GPC1: variants seen among roughly 807,000 people sequenced by gnomAD.
The protein encoded by GPC1 is glypican-1.
In GPC1, 26 loss-of-function variants were observed where a neutral mutation model predicts 51.5. That is an observed-to-expected ratio of 0.50 (90% CI 0.37 to 0.70). The LOEUF (loss-of-function observed/expected upper bound fraction) is 0.70. Among genes scored for constraint, GPC1 ranks in the 30% least tolerant of loss-of-function variants. GPC1 has a pLI of 0.00. For synonymous variants in GPC1, 380 were observed against 348.3 expected (o/e 1.09, Z -1.01); for missense variants, 775 against 800.5 (o/e 0.97, Z 0.38).
chr2:240,456,991 A>C (rs2151794110), intron 1 of GPC1, among the ~76,000 whole-genome samples: 1 of 151,746 alleles, frequency 6.6e-6, no homozygotes, highest in East Asian at 2.0e-4. Flanking sequence ...CTGGCCCCAG[A>C]CTCTGTTGGA....
chr2:240,444,384 C>T (rs1479444315), intron 1 of GPC1, among the ~76,000 whole-genome samples: 1 of 152,208 alleles, frequency 6.6e-6, no homozygotes, highest in Middle Eastern at 3.2e-3. Context: ...CTCCCAAATC[C>T]AGCCGCCCAG....
At position 240,467,239 on chromosome 2, in the gene GPC1, A is replaced by C. The variant is rs896811193; in HGVS notation, c.*949A>C. ...GGGCTCAGAGTGACCCTCAGCTGTCACCTGCTCACAGGGATGCTGGTGGCT... is the reference window on the plus strand; with the variant it reads ...GGGCTCAGAGTGACCCTCAGCTGTCCCCTGCTCACAGGGATGCTGGTGGCT... On this transcript the variant is annotated 3_prime_UTR_variant, in exon 9 of 9. Coordinates refer to ENST00000264039, the MANE Select transcript of GPC1 (RefSeq NM_002081.3). 9 of 152,262 alleles carry C rather than the reference A, an allele frequency of 5.9e-5. No homozygotes were observed. The highest frequency in any genetic ancestry group is 2.2e-4 in the African/African-American group (9 of 41,450). 9.4% of individuals were successfully genotyped at this position (152,262 alleles called of 1,614,324 possible). A position where few individuals can be genotyped will look rare whatever the true frequency, so the allele number is the denominator to read the frequency against.
chr2:240,457,031 G>A (rs2074171714), intron 1 of GPC1, among the ~76,000 whole-genome samples: 1 of 152,154 alleles, frequency 6.6e-6, no homozygotes, highest in South Asian at 2.1e-4. Context: ...CAGGCATCTG[G>A]AGGTAAGGAG....
intron 1 of GPC1, chr2:240,442,218 C>G (rs528608768): frequency 1.3e-5 from 2 of 149,256 alleles, no homozygotes; most frequent in Non-Finnish European, 2.9e-5. Context: ...CACGTACCCT[C>G]CCTGTTGCCG....
Position 240,462,404 on chromosome 2 carries a change from C to T in GPC1, c.539C>T (p.Pro180Leu), listed in dbSNP as rs765822451. The T allele has an allele frequency of 2.5e-6, 4 of 1,600,188 alleles. No homozygotes were observed. Among genetic ancestry groups the T allele is most frequent in the Non-Finnish European group, 3.4e-6 (4 of 1,173,886 alleles). The change falls in exon 3 of 9, where the codon CCC (proline) becomes CTC (leucine). Residue 180 changes from proline (P) to leucine (L), a missense_variant. Transcript: ENST00000264039. ...GAGCGCCTCTTCAAGCAGCTGCACC[C>T]CCAGCTGCTGCTGCCTGATGACTAC... ...LLERLFKQLH[P>L]QLLLPDDYLD...
rs892659885 is a variant in GPC1 at position 240,467,768 on chromosome 2, T to C, written c.*1478T>C. On this transcript the variant is annotated 3_prime_UTR_variant, in exon 9 of 9. Coordinates refer to ENST00000264039, the MANE Select transcript of GPC1 (RefSeq NM_002081.3). ...GAACCTGACTTTAGATGTTTTGGGA[T>C]CAGGAGCCCCCAACACAGGCAAGTC... The C allele has an allele frequency of 3.3e-5, 5 of 152,232 alleles. No individual in the cohort carries two copies. Among genetic ancestry groups the C allele is most frequent in the African/African-American group, 9.7e-5 (4 of 41,444 alleles). The allele number at this position is 152,232 out of a possible 1,614,324, so 9.4% of individuals were successfully genotyped here. A position where few individuals can be genotyped will look rare whatever the true frequency, so the allele number is the denominator to read the frequency against.
chr2:240,463,576 G>A, intron 4 of GPC1, 64 bp downstream of exon 4: 1 of 1,425,580 alleles, frequency 7.0e-7, no homozygotes, highest in South Asian at 1.2e-5. Flanking sequence ...GGGGGTCCTG[G>A]GGGGCGGGTG....
At chr2:240,459,007 C>T (rs768084200) in intron 1 of GPC1, 23 bp from the exon 2 acceptor site, 2 of 1,609,716 alleles carry the variant, frequency 1.2e-6, no homozygotes, top group Non-Finnish European at 1.7e-6. Flanking sequence ...GCCCCTCTCC[C>T]TCACACTGGC....
intron 1 of GPC1, among the ~76,000 whole-genome samples, chr2:240,447,757 A>G (rs944932753): frequency 2.6e-5 from 4 of 152,276 alleles, no homozygotes; most frequent in African/African-American, 9.6e-5. Context: ...CCCTCTGCCC[A>G]GCGTGTGTCA....
chr2:240,439,664 T>C (rs1418418546), intron 1 of GPC1, among the ~76,000 whole-genome samples: 1 of 152,132 alleles, frequency 6.6e-6, no homozygotes, highest in Non-Finnish European at 1.5e-5. Context: ...GAAAGGGTGT[T>C]TCCGGCTGGG....
At chr2:240,465,750 C>G (rs1304516003) in intron 8 of GPC1, 102 bp downstream of exon 8, 10 of 946,260 alleles carry the variant, frequency 1.1e-5, no homozygotes, top group Non-Finnish European at 1.6e-6. Context: ...GGGCCCTCTG[C>G]TCCGGCATCA....
chr2:240,446,854 A>G (rs961761045), intron 1 of GPC1, among the ~76,000 whole-genome samples: 15 of 152,098 alleles, frequency 9.9e-5, no homozygotes, highest in African/African-American at 3.6e-4. Flanking sequence ...CGGAGAGGGG[A>G]CCAGGGTGGG....
chr2:240,436,743 A>G (rs1466699402), intron 1 of GPC1, among the ~76,000 whole-genome samples: 2 of 152,308 alleles, frequency 1.3e-5, no homozygotes, highest in Admixed American at 6.5e-5. Context: ...ATTCCTGTCG[A>G]AGAACTTGTA....
intron 1 of GPC1, among the ~76,000 whole-genome samples, chr2:240,452,649 CGGCGGGCAGGAA>C (rs2074110138): frequency 6.6e-6 from 1 of 151,886 alleles, no homozygotes; most frequent in Non-Finnish European, 1.5e-5. Flanking sequence ...CCGGCCTCGG[CGGCGGGCAGGAA>C]GGCGGGCGCA....
intron 1 of GPC1, among the ~76,000 whole-genome samples, chr2:240,454,133 C>T (rs904083124): frequency 1.1e-4 from 17 of 152,220 alleles, no homozygotes; most frequent in Admixed American, 9.8e-4. Flanking sequence ...GTCTGGGGGC[C>T]GTGGATGCCG....
chr2:240,449,862 C>A (rs779147272), intron 1 of GPC1: 2 of 470,736 alleles, frequency 4.2e-6, no homozygotes, highest in Non-Finnish European at 8.8e-6. Context: ...TTCCTCCACG[C>A]CGGAGCATGT....
At position 240,466,603 on chromosome 2, in the gene GPC1, C is replaced by T. The variant is rs1290477182; in HGVS notation, c.*313C>T. ...CTCCCTGCACCGCCGCAGAAGCAGC[C>T]CCTCGAGGCCTACAGAGGAGGCCTC... is the stretch of plus-strand genomic sequence containing the variant. On this transcript the variant is annotated 3_prime_UTR_variant, in exon 9 of 9. Coordinates refer to ENST00000264039, the MANE Select transcript of GPC1 (RefSeq NM_002081.3). 7 of 370,200 alleles carry T rather than the reference C, an allele frequency of 1.9e-5. No homozygotes were observed. The highest frequency in any genetic ancestry group is 4.3e-5 in the Admixed American group (1 of 23,034). 22.9% of individuals were successfully genotyped at this position (370,200 alleles called of 1,614,324 possible).
intron 1 of GPC1, among the ~76,000 whole-genome samples, chr2:240,457,096 A>G (rs1288359060): frequency 6.6e-6 from 1 of 152,162 alleles, no homozygotes; most frequent in Non-Finnish European, 1.5e-5. Context: ...GCATGGGCAC[A>G]TGTAAGTCCA....
chr2:240,463,913 C>A, intron 4 of GPC1: 2 of 262,976 alleles, frequency 7.6e-6, no homozygotes, highest in Non-Finnish European at 7.4e-6. Context: ...ACACAGTGGG[C>A]CAGTGCCCAC....
Sources: allele counts gnomAD v4.1 joint callset (sites outside exome capture counted in the v4.1 genomes callset), GRCh38; gene constraint gnomAD v4.1.1; transcripts MANE v1.5; gene names NCBI Gene and HGNC (gene_info 2026-07-23, HGNC 2026-07-21).